The following UTRN variants were observed in gnomAD, a reference collection of about 807,000 sequenced individuals.
UTRN encodes dystrophin-related protein 1.
UTRN carries 283 observed loss-of-function variants against 463.9 expected under a neutral mutation model. The ratio of observed to expected loss-of-function variants is 0.61; its 90% CI spans 0.55 to 0.67. The LOEUF is 0.67. Among genes scored for constraint, UTRN ranks in the 30% least tolerant of loss-of-function variants. The probability of loss-of-function intolerance (pLI) is 0.00; values close to 1 mark genes in which losing one functional copy is unlikely to be tolerated. For synonymous variants in UTRN, 1,442 were observed against 1,431.5 expected (o/e 1.01, Z -0.17); for missense variants, 3,922 against 4,084.3 (o/e 0.96, Z 1.08).
At chr6:144,594,447 A>G (rs1023476838) in intron 51 of UTRN, among the ~76,000 whole-genome samples, 2 of 152,196 alleles carry the variant, frequency 1.3e-5, no homozygotes, top group Non-Finnish European at 2.9e-5. Context: ...TCTGAATTGT[A>G]AACTCTTGAA....
intron 54 of UTRN, among the ~76,000 whole-genome samples, chr6:144,736,939 G>T (rs779044663): frequency 1.3e-5 from 2 of 152,146 alleles, no homozygotes; most frequent in African/African-American, 4.8e-5. Flanking sequence ...ATTTGCCCAC[G>T]CAGCTGCTGG....
chr6:144,298,386 T>C (rs951940123), intron 2 of UTRN, among the ~76,000 whole-genome samples: 9 of 152,174 alleles, frequency 5.9e-5, no homozygotes, highest in Non-Finnish European at 1.3e-4. Flanking sequence ...AGCATCCATG[T>C]GGTTTTCCAA....
At chr6:144,317,966 T>C (rs1300229075) in intron 2 of UTRN, among the ~76,000 whole-genome samples, 1 of 152,192 alleles carries the variant, frequency 6.6e-6, no homozygotes, top group Non-Finnish European at 1.5e-5. Context: ...TGGGATTGTT[T>C]TCTTTTGACA....
intron 64 of UTRN, chr6:144,799,417 G>C: frequency 2.1e-6 from 1 of 471,468 alleles, no homozygotes; most frequent in Non-Finnish European, 4.4e-6. Context: ...CAGACAGCTA[G>C]GGTAATAGAT....
intron 2 of UTRN, among the ~76,000 whole-genome samples, chr6:144,376,833 C>G (rs1170424362): frequency 6.6e-6 from 1 of 151,840 alleles, no homozygotes; most frequent in East Asian, 1.9e-4. Context: ...AAGAATTTAC[C>G]AAAGTAAAAA....
intron 51 of UTRN, among the ~76,000 whole-genome samples, chr6:144,584,647 G>A (rs1802285411): frequency 6.6e-6 from 1 of 151,836 alleles, no homozygotes; most frequent in Non-Finnish European, 1.5e-5. Context: ...CTTACAATTT[G>A]GCCAATTAGA....
chr6:144,289,869 G>A (rs1356668304), intron 1 of UTRN, among the ~76,000 whole-genome samples: 1 of 151,168 alleles, frequency 6.6e-6, no homozygotes, highest in Non-Finnish European at 1.5e-5. Context: ...GGCCAGGCTG[G>A]TCTCGAACTC....
intron 3 of UTRN, among the ~76,000 whole-genome samples, chr6:144,414,542 G>GA (rs1450098949): frequency 1.3e-5 from 2 of 151,984 alleles, no homozygotes; most frequent in East Asian, 3.8e-4. Flanking sequence ...ATTGAAGAAA[G>GA]AAAAATATTT....
At chr6:144,743,356 A>G (rs1264921614) in intron 54 of UTRN, among the ~76,000 whole-genome samples, 1 of 152,236 alleles carries the variant, frequency 6.6e-6, no homozygotes, top group Non-Finnish European at 1.5e-5. Context: ...AATATCTATC[A>G]TTATTTCATG....
At chr6:144,436,928 G>A (rs1057217524) in intron 10 of UTRN, among the ~76,000 whole-genome samples, 54 of 142,318 alleles carry the variant, frequency 3.8e-4, no homozygotes, top group African/African-American at 1.3e-3. Flanking sequence ...ATATGTATAT[G>A]TATATGTGTG....
Position 144,771,973 on chromosome 6 carries a change from G to C in UTRN, c.8557+5G>C. 1 of 1,258,828 alleles carries C rather than the reference G, an allele frequency of 7.9e-7. No individual in the cohort carries two copies. The highest frequency in any genetic ancestry group is 1.1e-6 in the Non-Finnish European group (1 of 942,820). The allele number at this position is 1,258,828 out of a possible 1,614,324, so 78.0% of individuals were successfully genotyped here. A position where few individuals can be genotyped will look rare whatever the true frequency, so the allele number is the denominator to read the frequency against. On this transcript the variant is annotated splice_donor_5th_base_variant and intron_variant, in intron 59 of 74. Coordinates refer to ENST00000367545, the MANE Select transcript of UTRN (RefSeq NM_007124.3). ...CCGAACTCTTTCAATCCCTTGGTAA[G>C]TGTTATTAATAGTAATAAATTAACC...
chr6:144,533,741 G>A (rs970255644), intron 43 of UTRN, among the ~76,000 whole-genome samples: 1 of 110,944 alleles, frequency 9.0e-6, no homozygotes, highest in East Asian at 3.5e-4. Flanking sequence ...ATATAATATA[G>A]TATTATTAAT....
intron 54 of UTRN, among the ~76,000 whole-genome samples, chr6:144,732,289 TATATATACAC>T (rs1368075567): frequency 2.3e-5 from 3 of 131,836 alleles, no homozygotes; most frequent in Non-Finnish European, 4.8e-5. Flanking sequence ...CACACATATA[TATATATACAC>T]ATATATATAT....
At chr6:144,534,790 G>A (rs572908674) in intron 43 of UTRN, among the ~76,000 whole-genome samples, 1 of 152,174 alleles carries the variant, frequency 6.6e-6, no homozygotes, top group Non-Finnish European at 1.5e-5. Flanking sequence ...CAGATATGAT[G>A]CGCTGTGGAA....
intron 58 of UTRN, among the ~76,000 whole-genome samples, chr6:144,764,472 A>G (rs542051214): frequency 6.6e-6 from 1 of 152,292 alleles, no homozygotes; most frequent in Non-Finnish European, 1.5e-5. Context: ...CTTCTAGATT[A>G]CCCAACTCTA....
At position 144,438,807 on chromosome 6, in the gene UTRN, C is replaced by T. The variant is rs1398868413; in HGVS notation, c.1304C>T (p.Thr435Ile). ...CTGCAGCAGCTCTCCGCCTGGTTAA[C>T]ACTCACAGAGGAGCGCATTCAGAAG... ...KQLQQLSAWLTLTEERIQKME... is the reference protein window; with the variant it reads ...KQLQQLSAWLILTEERIQKME... The change falls in exon 12 of 75, where the codon ACA (threonine) becomes ATA (isoleucine). Residue 435 changes from threonine (T) to isoleucine (I), a missense_variant. This residue lies in a region of UTRN where 2,349 missense variants were observed against 2,303.8 expected (regional missense o/e 1.02). Coordinates refer to ENST00000367545, the MANE Select transcript of UTRN (RefSeq NM_007124.3). 6.2e-7 allele frequency: 1 copy of T among 1,614,230 alleles called. No homozygotes were observed. Among genetic ancestry groups the T allele is most frequent in the Non-Finnish European group, 8.5e-7 (1 of 1,180,030 alleles).
At chr6:144,490,557 G>T (rs1792961892) in intron 31 of UTRN, among the ~76,000 whole-genome samples, 1 of 152,212 alleles carries the variant, frequency 6.6e-6, no homozygotes, top group South Asian at 2.1e-4. Context: ...TTCTTTCATG[G>T]TTGATATGAC....
chr6:144,718,674 T>C (rs1346660216), intron 53 of UTRN, among the ~76,000 whole-genome samples: 2 of 152,184 alleles, frequency 1.3e-5, no homozygotes, highest in Non-Finnish European at 2.9e-5. Context: ...TGGCTGCAAA[T>C]CTTTGTCTGG....
intron 54 of UTRN, among the ~76,000 whole-genome samples, chr6:144,740,742 T>A (rs1282771036): frequency 6.6e-6 from 1 of 152,216 alleles, no homozygotes; most frequent in East Asian, 1.9e-4. Context: ...GGGTAAAAAT[T>A]TGGAAAATGT....
Sources: gnomAD v4.1 joint callset for allele counts (sites outside exome capture counted in the v4.1 genomes callset) on GRCh38, gnomAD v4.1.1 for gene constraint, gnomAD v4.1.1 regional missense constraint, MANE v1.5 for transcripts, NCBI Gene and HGNC (gene_info 2026-07-23, HGNC 2026-07-21) for gene names.